The following LRCH1 variants were observed in gnomAD, a reference collection of about 807,000 sequenced individuals.
LRCH1 encodes the protein leucine rich repeats and calponin homology domain containing 1.
In LRCH1, 23 loss-of-function variants were observed where a neutral mutation model predicts 94.9. The ratio of observed to expected loss-of-function variants is 0.24; its 90% CI spans 0.17 to 0.34. The LOEUF is 0.34. LRCH1 is among the 10% of genes least tolerant of loss of function. The probability of loss-of-function intolerance (pLI) is 1.00; values close to 1 mark genes in which losing one functional copy is unlikely to be tolerated. For missense variants in LRCH1, 790 were observed against 945.9 expected, an observed-to-expected ratio of 0.84 and a Z score of 2.16; for synonymous variants, 364 against 354.9, an observed-to-expected ratio of 1.03 and a Z score of -0.29.
intron 19 of LRCH1, among the ~76,000 whole-genome samples, chr13:46,738,754 C>G (rs1873513012): frequency 6.6e-6 from 1 of 152,148 alleles, no homozygotes; most frequent in Non-Finnish European, 1.5e-5. Flanking sequence ...AAGACAGGTT[C>G]ATTGTTTTAC....
At chr13:46,672,208 T>C (rs1179589840) in intron 3 of LRCH1, among the ~76,000 whole-genome samples, 2 of 152,228 alleles carry the variant, frequency 1.3e-5, no homozygotes, top group African/African-American at 4.8e-5. Flanking sequence ...TGTTTTTCTA[T>C]GGCTTGACGG....
At chr13:46,571,087 T>C (rs2050236165) in intron 1 of LRCH1, among the ~76,000 whole-genome samples, 1 of 152,176 alleles carries the variant, frequency 6.6e-6, no homozygotes, top group Non-Finnish European at 1.5e-5. Context: ...CCCTTCAAAG[T>C]AACTAGGCAT....
At chr13:46,697,960 G>A (rs1210545027) in intron 9 of LRCH1, among the ~76,000 whole-genome samples, 1 of 152,162 alleles carries the variant, frequency 6.6e-6, no homozygotes, top group Non-Finnish European at 1.5e-5. Flanking sequence ...TTCTATCATT[G>A]AAACCCAACA....
chr13:46,610,550 A>C (rs972564110), intron 1 of LRCH1, among the ~76,000 whole-genome samples: 8 of 150,352 alleles, frequency 5.3e-5, no homozygotes, highest in Non-Finnish European at 1.2e-4. Flanking sequence ...CTTAGCTCCC[A>C]CTTAGGAGTG....
intron 9 of LRCH1, among the ~76,000 whole-genome samples, chr13:46,698,825 C>T (rs535558808): frequency 1.3e-5 from 2 of 152,276 alleles, no homozygotes; most frequent in South Asian, 4.1e-4. Flanking sequence ...ACAAAATGTA[C>T]ACCTTAGCCA....
intron 1 of LRCH1, among the ~76,000 whole-genome samples, chr13:46,560,270 C>G (rs1436367015): frequency 6.6e-6 from 1 of 151,928 alleles, no homozygotes; most frequent in Admixed American, 6.6e-5. Flanking sequence ...GGCAGAAATG[C>G]TATTATTAAC....
intron 16 of LRCH1, among the ~76,000 whole-genome samples, chr13:46,721,740 A>G (rs1168464649): frequency 6.6e-6 from 1 of 152,212 alleles, no homozygotes; most frequent in African/African-American, 2.4e-5. Context: ...CCAGGCCACA[A>G]GCTGACTCCT....
chr13:46,574,713 C>T (rs999753105), intron 1 of LRCH1, among the ~76,000 whole-genome samples: 1 of 151,722 alleles, frequency 6.6e-6, no homozygotes, highest in Non-Finnish European at 1.5e-5. Flanking sequence ...GGAAGTTAAA[C>T]ACATTTTAAT....
intron 1 of LRCH1, among the ~76,000 whole-genome samples, chr13:46,581,835 C>T (rs973944132): frequency 1.3e-5 from 2 of 151,926 alleles, no homozygotes; most frequent in Admixed American, 1.3e-4. Context: ...TTTTTTTGTC[C>T]CCCCATTCCA....
intron 17 of LRCH1, among the ~76,000 whole-genome samples, 184 bp downstream of exon 17, chr13:46,723,514 G>A (rs1872681815): frequency 6.6e-6 from 1 of 152,174 alleles, no homozygotes; most frequent in South Asian, 2.1e-4. Flanking sequence ...CTAAAAAAAT[G>A]TTTTGGCCAG....
chr13:46,572,612 C>T (rs931045612), intron 1 of LRCH1, among the ~76,000 whole-genome samples: 4 of 151,888 alleles, frequency 2.6e-5, no homozygotes, highest in South Asian at 2.1e-4. Context: ...AAAAAAAGCT[C>T]GACAAAATCT....
At chr13:46,684,743 A>G (rs1488525931) in intron 4 of LRCH1, among the ~76,000 whole-genome samples, 1 of 152,168 alleles carries the variant, frequency 6.6e-6, no homozygotes, top group African/African-American at 2.4e-5. Context: ...CCTGAGGTCA[A>G]TCCCTTATCC....
At chr13:46,693,185 A>G (rs1439672139) in intron 8 of LRCH1, among the ~76,000 whole-genome samples, 1 of 152,146 alleles carries the variant, frequency 6.6e-6, no homozygotes, top group Non-Finnish European at 1.5e-5. Flanking sequence ...TGATAGATAT[A>G]TTAGTTAGGA....
chr13:46,655,120 G>C (rs1171024112), intron 2 of LRCH1, among the ~76,000 whole-genome samples: 1 of 133,024 alleles, frequency 7.5e-6, no homozygotes, highest in Non-Finnish European at 1.7e-5. Flanking sequence ...ATAAATATTT[G>C]ATAGTGATGG....
intron 16 of LRCH1, among the ~76,000 whole-genome samples, chr13:46,721,976 C>T (rs1261442222): frequency 1.3e-5 from 2 of 152,130 alleles, no homozygotes; most frequent in South Asian, 2.1e-4. Context: ...TGTAGTTAGG[C>T]GAGCACAGGA....
At chr13:46,731,029 TAAAGG>T (rs1383411834) in intron 18 of LRCH1, among the ~76,000 whole-genome samples, 1 of 150,416 alleles carries the variant, frequency 6.6e-6, no homozygotes, top group Non-Finnish European at 1.5e-5. Flanking sequence ...AAAAAGAAAA[TAAAGG>T]AAAGCAAAAG....
intron 1 of LRCH1, among the ~76,000 whole-genome samples, chr13:46,598,091 G>A (rs2050584824): frequency 6.6e-6 from 1 of 152,074 alleles, no homozygotes; most frequent in African/African-American, 2.4e-5. Flanking sequence ...GACTAGCCTG[G>A]CCAACATGAT....
intron 1 of LRCH1, among the ~76,000 whole-genome samples, chr13:46,610,595 T>TA (rs1416318242): frequency 6.6e-6 from 1 of 152,134 alleles, no homozygotes; most frequent in African/African-American, 2.4e-5. Flanking sequence ...ATTCCTGAGT[T>TA]ACTTCACTTA....
chr13:46,553,230 C>A lies in LRCH1; in HGVS notation c.-167C>A. ...AGACCGAGCTGCCACGGCCGCCTCCCCGCCCGCCCCCCATTCTACGCGCCT... is the reference window on the plus strand; with the variant it reads ...AGACCGAGCTGCCACGGCCGCCTCCACGCCCGCCCCCCATTCTACGCGCCT... On this transcript the variant is annotated 5_prime_UTR_variant, in exon 1 of 20. Coordinates refer to ENST00000389797, the MANE Select transcript of LRCH1 (RefSeq NM_001164211.2). The A allele has an allele frequency of 2.0e-6, 1 of 504,020 alleles. No individual in the cohort carries two copies. 31.2% of individuals were successfully genotyped at this position (504,020 alleles called of 1,614,324 possible). A position where few individuals can be genotyped will look rare whatever the true frequency, so the allele number is the denominator to read the frequency against.
Sources: gnomAD v4.1 joint callset for allele counts (sites outside exome capture counted in the v4.1 genomes callset) on GRCh38, gnomAD v4.1.1 for gene constraint, MANE v1.5 for transcripts, NCBI Gene and HGNC (gene_info 2026-07-23, HGNC 2026-07-21) for gene names.